The following ABHD12B variants were observed in gnomAD, a reference collection of about 807,000 sequenced individuals.
ABHD12B encodes abhydrolase domain containing 12B.
Under a neutral mutation model 50.4 loss-of-function variants are expected in ABHD12B, and 42 were observed. The ratio of observed to expected loss-of-function variants is 0.83; its 90% CI spans 0.65 to 1.08. ABHD12B has a LOEUF of 1.08. ABHD12B is among the 50% of genes least tolerant of loss of function. The pLI is 0.00. For synonymous variants in ABHD12B, 167 were observed against 160.3 expected, an observed-to-expected ratio of 1.04 and a Z score of -0.32; for missense variants, 479 against 447.7, an observed-to-expected ratio of 1.07 and a Z score of -0.63.
intron 9 of ABHD12B, among the ~76,000 whole-genome samples, chr14:50,895,409 C>T (rs1356248944): frequency 1.2e-4 from 18 of 152,282 alleles, no homozygotes; most frequent in Admixed American, 3.3e-4. Flanking sequence ...AGCAGCCAGG[C>T]GTTCCTCCAG....
chr14:50,891,729 TG>T (rs2050122544), intron 9 of ABHD12B: 1 of 152,216 alleles, frequency 6.6e-6, no homozygotes, highest in African/African-American at 2.4e-5. Context: ...TTTAGATTTT[TG>T]TATGGAGGCA....
chr14:50,878,852 G>T lies in ABHD12B; in HGVS notation c.335+5G>T. The T allele has an allele frequency of 6.2e-7, 1 of 1,612,104 alleles. No individual in the cohort carries two copies. The highest frequency in any genetic ancestry group is 1.1e-5 in the South Asian group (1 of 91,024). ...TGGGGTGATGCTAGGGATCTGGTGA[G>T]TGCACGGATGGGACACCGGGTTGCT... On this transcript the variant is annotated splice_donor_5th_base_variant and intron_variant, in intron 3 of 12. Coordinates refer to ENST00000337334, the MANE Select transcript of ABHD12B (RefSeq NM_001206673.2).
At position 50,880,471 on chromosome 14, in the gene ABHD12B, C is replaced by G. The variant is rs141865189; in HGVS notation, c.355C>G (p.Arg119Gly). 4.4e-6 allele frequency: 7 copies of G among 1,608,904 alleles called. No individual in the cohort carries two copies. Among genetic ancestry groups the G allele is most frequent in the Non-Finnish European group, 5.9e-6 (7 of 1,177,748 alleles). ...CTTCAGGCACACAGTCCCCAGCTGC[C>G]GGGGGGAAGATGCCAAGGGGAAGGA... is the stretch of plus-strand genomic sequence containing the variant. Reference protein sequence around the residue: ...LGIWHTVPSCRGEDAKGKDCC... With the variant: ...LGIWHTVPSCGGEDAKGKDCC... Residue 119 changes from arginine to glycine, a missense_variant, in exon 4 of 13, where the codon CGG (arginine) becomes GGG (glycine). Transcript: ENST00000337334.
intron 5 of ABHD12B, 105 bp from the exon 6 acceptor site, chr14:50,885,509 T>C: frequency 7.5e-7 from 1 of 1,336,956 alleles, no homozygotes; most frequent in Non-Finnish European, 1.1e-6. Flanking sequence ...AAAATTACCT[T>C]TGAAAGAGCC....
chr14:50,879,806 G>A (rs2142726765), intron 3 of ABHD12B, among the ~76,000 whole-genome samples: 1 of 152,328 alleles, frequency 6.6e-6, no homozygotes, highest in African/African-American at 2.4e-5. Flanking sequence ...GGAGTACAGA[G>A]GCCCTGGGGA....
chr14:50,888,244 G>A lies in ABHD12B; in HGVS notation c.701-580G>A, dbSNP rs562391677. 1.2e-4 allele frequency among the ~76,000 whole-genome samples: 17 copies of A among 145,426 alleles called. No individual in the cohort carries two copies. In the East Asian group the frequency reaches 1.8e-3, roughly 16 times the overall value. On this transcript the variant is annotated intron_variant, in intron 8 of 12. Transcript: ENST00000337334. Reference sequence around the variant, plus strand: ...TTTTGTGGCGGAGTCTTGCTCTGTCGCCAGGCTGGAGTGCAGTGGCGCAAT... The same window carrying A: ...TTTTGTGGCGGAGTCTTGCTCTGTCACCAGGCTGGAGTGCAGTGGCGCAAT...
chr14:50,903,589 C>T (rs1271533859), intron 11 of ABHD12B, 122 bp downstream of exon 11: 2 of 695,426 alleles, frequency 2.9e-6, no homozygotes, highest in African/African-American at 3.6e-5. Context: ...ATTCTCTACA[C>T]CCCTAAATAG....
intron 7 of ABHD12B, 27 bp from the exon 8 acceptor site, chr14:50,886,620 C>T (rs2050041621): frequency 6.2e-7 from 1 of 1,602,706 alleles, no homozygotes; most frequent in Non-Finnish European, 8.5e-7. Flanking sequence ...TTGCTTAACA[C>T]ATGTACTAAT....
At chr14:50,894,349 C>A (rs1024242038) in intron 9 of ABHD12B, among the ~76,000 whole-genome samples, 2 of 152,036 alleles carry the variant, frequency 1.3e-5, no homozygotes, top group Non-Finnish European at 2.9e-5. Context: ...ATTTCCGTGC[C>A]CCAACCCCTT....
At chr14:50,884,213 A>C (rs185643862) in intron 5 of ABHD12B, among the ~76,000 whole-genome samples, 14 of 152,326 alleles carry the variant, frequency 9.2e-5, no homozygotes, top group Non-Finnish European at 1.8e-4. Context: ...TCTTTTTCCT[A>C]GAAATGAATT....
intron 5 of ABHD12B, among the ~76,000 whole-genome samples, chr14:50,883,471 G>T (rs2049987756): frequency 6.6e-6 from 1 of 152,306 alleles, no homozygotes; most frequent in African/African-American, 2.4e-5. Flanking sequence ...GTGCAGTGTT[G>T]CCCAGGAGTA....
At position 50,895,990 on chromosome 14, in the gene ABHD12B, T is replaced by C. The variant is rs545099748; in HGVS notation, c.781-5839T>C. Among the ~76,000 whole-genome samples the C allele has an allele frequency of 3.0e-4, 45 of 148,750 alleles. No homozygotes were observed. The South Asian group carries it at 3.1e-3, about 10-fold the overall frequency. ...TCCCTGACTATTCCTGGACTACAGC[T>C]ATATCTCATTGCCGCCCTTCTTCCC... On this transcript the variant is annotated intron_variant, in intron 9 of 12. Coordinates refer to ENST00000337334, the MANE Select transcript of ABHD12B (RefSeq NM_001206673.2).
chr14:50,902,872 A>G (rs971385780), intron 10 of ABHD12B, among the ~76,000 whole-genome samples: 1 of 152,248 alleles, frequency 6.6e-6, no homozygotes, highest in Non-Finnish European at 1.5e-5. Flanking sequence ...GGGGTTGACC[A>G]GGAAGCTAAT....
chr14:50,899,116 C>A (rs1168766888), intron 9 of ABHD12B, among the ~76,000 whole-genome samples: 1 of 152,130 alleles, frequency 6.6e-6, no homozygotes, highest in East Asian at 1.9e-4. Context: ...TCACTTGAAC[C>A]CGGGAGGCGG....
At chr14:50,895,000 T>C (rs12587662) in intron 9 of ABHD12B, among the ~76,000 whole-genome samples, 29,360 of 141,186 alleles carry the variant, frequency 0.21, 3,926 homozygotes, top group East Asian at 0.46. Flanking sequence ...AGCAATTTAC[T>C]CTTAAAAAGG....
chr14:50,900,575 G>A (rs1240657553), intron 9 of ABHD12B, among the ~76,000 whole-genome samples: 1 of 152,212 alleles, frequency 6.6e-6, no homozygotes, highest in Non-Finnish European at 1.5e-5. Context: ...GGGTGGTGGG[G>A]GCAAGGTTTG....
intron 5 of ABHD12B, among the ~76,000 whole-genome samples, chr14:50,885,152 G>C (rs965344145): frequency 1.3e-5 from 2 of 152,158 alleles, no homozygotes; most frequent in Non-Finnish European, 2.9e-5. Context: ...GTCTGACCCT[G>C]CTCAGCCTTC....
rs770179967 is a variant in ABHD12B, at chr14:50,901,839, A to T, written c.791A>T (p.Asn264Ile). The T allele has an allele frequency of 2.0e-4, 325 of 1,592,322 alleles. No homozygotes were observed. Among genetic ancestry groups the T allele is most frequent in the Non-Finnish European group, 2.7e-4 (316 of 1,173,592 alleles). The stretch of plus-strand genomic sequence containing the variant: ...CTTTTTTAAAAATAGATTTACCGGA[A>T]CATTCCAGGATTTTTACGTACACTT... ...INYPLLKIYR[N>I]IPGFLRTLMD... is the part of the protein sequence containing the mutation. Residue 264 changes from asparagine (N) to isoleucine (I), a missense_variant, in exon 10 of 13, where the codon AAC (asparagine) becomes ATC (isoleucine). Asn to Ile is a moderately radical substitution (Grantham distance 149). Coordinates refer to ENST00000337334, the MANE Select transcript of ABHD12B (RefSeq NM_001206673.2).
chr14:50,888,120 A>G (rs1445676472), intron 8 of ABHD12B, among the ~76,000 whole-genome samples: 1 of 152,194 alleles, frequency 6.6e-6, no homozygotes, highest in African/African-American at 2.4e-5. Context: ...GTGTTGACCA[A>G]AACAACCTAG....
Sources: allele counts gnomAD v4.1 joint callset (sites outside exome capture counted in the v4.1 genomes callset), GRCh38; gene constraint gnomAD v4.1.1; transcripts MANE v1.5; gene names NCBI Gene and HGNC (gene_info 2026-07-23, HGNC 2026-07-21).